KALRN: variants seen among roughly 807,000 people sequenced by gnomAD.
KALRN encodes kalirin.
KALRN carries 70 observed loss-of-function variants against 353.7 expected under a neutral mutation model. The ratio of observed to expected loss-of-function variants is 0.20; its 90% CI spans 0.16 to 0.24. The LOEUF is 0.24. Among genes scored for constraint, KALRN ranks in the 10% least tolerant of loss-of-function variants. KALRN has a pLI of 1.00. For synonymous variants in KALRN, 1,391 were observed against 1,434.8 expected, an observed-to-expected ratio of 0.97 and a Z score of 0.69; for missense variants, 2,791 against 3,756.7, an observed-to-expected ratio of 0.74 and a Z score of 6.72.
intron 1 of KALRN, among the ~76,000 whole-genome samples, chr3:124,039,095 C>T (rs2039701681): frequency 6.6e-6 from 1 of 152,228 alleles, no homozygotes; most frequent in South Asian, 2.1e-4. Flanking sequence ...CTGCTTGGTG[C>T]TTGAACCTTC....
intron 5 of KALRN, among the ~76,000 whole-genome samples, chr3:124,280,415 C>T (rs770944909): frequency 1.3e-5 from 2 of 152,334 alleles, no homozygotes. Context: ...GGGCAGCTCT[C>T]CCATAACTTG....
chr3:124,515,947 G>T (rs1267914270), intron 33 of KALRN, among the ~76,000 whole-genome samples: 1 of 152,194 alleles, frequency 6.6e-6, no homozygotes, highest in African/African-American at 2.4e-5. Flanking sequence ...GGGCTTAAGG[G>T]AGCAAGTGTT....
intron 33 of KALRN, among the ~76,000 whole-genome samples, chr3:124,498,880 T>TC (rs1255314891): frequency 7.2e-5 from 11 of 151,920 alleles, no homozygotes; most frequent in Admixed American, 2.6e-4. Context: ...TGTCAGATTT[T>TC]CCCCTGACTA....
intron 1 of KALRN, among the ~76,000 whole-genome samples, chr3:124,161,434 A>G (rs2069931614): frequency 6.6e-6 from 1 of 152,218 alleles, no homozygotes; most frequent in Non-Finnish European, 1.5e-5. Context: ...AGCTGAACTT[A>G]ATAACATGAT....
chr3:124,512,130 G>A (rs1284096646), intron 33 of KALRN, among the ~76,000 whole-genome samples: 1 of 152,228 alleles, frequency 6.6e-6, no homozygotes, highest in African/African-American at 2.4e-5. Context: ...TCCTCAGTGT[G>A]TTTCCCATAT....
intron 33 of KALRN, among the ~76,000 whole-genome samples, chr3:124,500,361 T>A (rs981861364): frequency 6.6e-6 from 1 of 152,230 alleles, no homozygotes; most frequent in Non-Finnish European, 1.5e-5. Context: ...TTCATCCAAA[T>A]TCTTGCTAAA....
At chr3:124,500,191 A>G (rs1394707591) in intron 33 of KALRN, among the ~76,000 whole-genome samples, 1 of 152,236 alleles carries the variant, frequency 6.6e-6, no homozygotes, top group Non-Finnish European at 1.5e-5. Context: ...TTATTCAGGC[A>G]GGTGACTTAG....
intron 33 of KALRN, among the ~76,000 whole-genome samples, chr3:124,525,317 A>G (rs1577717249): frequency 6.6e-6 from 1 of 152,184 alleles, no homozygotes; most frequent in Non-Finnish European, 1.5e-5. Context: ...AAGTTATTCT[A>G]TCTGTAAGGA....
intron 33 of KALRN, among the ~76,000 whole-genome samples, chr3:124,544,252 T>G (rs2069372123): frequency 6.6e-6 from 1 of 152,116 alleles, no homozygotes; most frequent in East Asian, 1.9e-4. Flanking sequence ...CTTGCTTTAT[T>G]TTTCCCTTCA....
chr3:124,340,472 A>G (rs1341445172), intron 9 of KALRN, among the ~76,000 whole-genome samples: 1 of 152,048 alleles, frequency 6.6e-6, no homozygotes, highest in Non-Finnish European at 1.5e-5. Context: ...GCAGTGAGCC[A>G]AGACTGTGCC....
chr3:124,594,515 C>T (rs748698847), intron 34 of KALRN, among the ~76,000 whole-genome samples: 13 of 152,330 alleles, frequency 8.5e-5, no homozygotes, highest in East Asian at 3.9e-4. Context: ...TGAGCCACCG[C>T]GCCCAGCCTT....
chr3:124,107,355 G>C (rs1029898503), intron 1 of KALRN, among the ~76,000 whole-genome samples: 2 of 151,340 alleles, frequency 1.3e-5, no homozygotes, highest in Non-Finnish European at 2.9e-5. Flanking sequence ...TTTTTTTCCT[G>C]TTGGAAGTTT....
At chr3:124,124,398 G>C (rs1031367726) in intron 1 of KALRN, among the ~76,000 whole-genome samples, 1 of 152,230 alleles carries the variant, frequency 6.6e-6, no homozygotes. Flanking sequence ...TGCTTCCTAT[G>C]ATGAGCAAAG....
intron 6 of KALRN, among the ~76,000 whole-genome samples, chr3:124,322,245 C>G (rs1360416602): frequency 1.3e-5 from 2 of 152,200 alleles, no homozygotes; most frequent in Non-Finnish European, 2.9e-5. Context: ...GTAGGCAGCA[C>G]TATGCTCCTG....
chr3:124,233,214 A>T (rs2079375171), intron 2 of KALRN, among the ~76,000 whole-genome samples: 2 of 152,172 alleles, frequency 1.3e-5, no homozygotes, highest in South Asian at 4.1e-4. Flanking sequence ...ATGGTAAAAC[A>T]AGCAAACAAA....
At chr3:124,208,834 T>C (rs2076647895) in intron 1 of KALRN, among the ~76,000 whole-genome samples, 1 of 151,824 alleles carries the variant, frequency 6.6e-6, no homozygotes, top group Non-Finnish European at 1.5e-5. Context: ...GGTGTGGTGG[T>C]ACATGCCTGT....
chr3:124,711,785 C>G (rs1158465246), intron 57 of KALRN, among the ~76,000 whole-genome samples: 1 of 151,750 alleles, frequency 6.6e-6, no homozygotes, highest in Non-Finnish European at 1.5e-5. Flanking sequence ...TTAAAATATT[C>G]CAGGGTGGAA....
At chr3:124,111,411 A>G (rs1032845224) in intron 1 of KALRN, among the ~76,000 whole-genome samples, 9 of 152,158 alleles carry the variant, frequency 5.9e-5, no homozygotes, top group African/African-American at 2.2e-4. Flanking sequence ...AGGGGATGCA[A>G]TTTCCGTGAT....
chr3:124,509,397 C>T (rs746798903), intron 33 of KALRN, among the ~76,000 whole-genome samples: 52 of 152,118 alleles, frequency 3.4e-4, no homozygotes, highest in Admixed American at 6.5e-4. Flanking sequence ...TTAGTAGAGA[C>T]GGAGTTTCAC....
Sources: gnomAD v4.1 joint callset for allele counts (sites outside exome capture counted in the v4.1 genomes callset) on GRCh38, gnomAD v4.1.1 for gene constraint, MANE v1.5 for transcripts, NCBI Gene and HGNC (gene_info 2026-07-23, HGNC 2026-07-21) for gene names.